MTDH: variants seen among roughly 807,000 people sequenced by gnomAD.
MTDH encodes metadherin.
MTDH carries 34 observed loss-of-function variants against 72.7 expected under a neutral mutation model. The ratio of observed to expected loss-of-function variants is 0.47; its 90% CI spans 0.36 to 0.62. MTDH has a LOEUF of 0.62. Among genes scored for constraint, MTDH ranks in the 20% least tolerant of loss-of-function variants. MTDH has a pLI of 0.00. For synonymous variants in MTDH, 266 were observed against 268.9 expected (o/e 0.99, Z 0.10); for missense variants, 677 against 699.4 (o/e 0.97, Z 0.36).
chr8:97,686,715 A>T lies in MTDH; in HGVS notation c.531A>T (p.Gln177His). The T allele has an allele frequency of 6.3e-7, 1 of 1,598,616 alleles. No individual in the cohort carries two copies. The highest frequency in any genetic ancestry group is 8.5e-7 in the Non-Finnish European group (1 of 1,172,930). The change falls in exon 3 of 12, where the codon CAA becomes CAT. Residue 177 changes from glutamine (Q) to histidine (H), a missense_variant. Gln to His is a conservative substitution (Grantham distance 24). This residue lies in a region of MTDH where 467 missense variants were observed against 469.1 expected (regional missense o/e 1.00). Transcript: ENST00000336273. The part of the protein sequence containing the change: ...KKSKSDAKAV[Q>H]NSSRHDGKEV... ...CAAAGTCAGATGCTAAAGCAGTGCA[A>T]AACAGTTCACGCCATGATGGAAAGG...
intron 2 of MTDH, among the ~76,000 whole-genome samples, chr8:97,675,368 C>G (rs908335723): frequency 6.6e-6 from 1 of 151,698 alleles, no homozygotes; most frequent in Admixed American, 6.6e-5. Context: ...TGAGACCAGC[C>G]TGGCCGACAT....
In MTDH at chr8:97,729,323, A is replaced by G. The variant is rs1029060465; in HGVS notation, c.*4653A>G. 6.6e-6 allele frequency among the ~76,000 whole-genome samples: 1 copy of G among 151,840 alleles called. No homozygotes were observed. Among genetic ancestry groups the G allele is most frequent in the Non-Finnish European group, 1.5e-5 (1 of 67,952 alleles). On this transcript the variant is annotated 3_prime_UTR_variant, in exon 12 of 12. Coordinates refer to ENST00000336273, the MANE Select transcript of MTDH (RefSeq NM_178812.4). ...GCTGGTAGAGGGCATTACCTCCCCC[A>G]CCCCCAAGAACACTTCTTGGAAGTT...
chr8:97,671,052 G>A (rs963154541), intron 2 of MTDH, among the ~76,000 whole-genome samples: 5 of 136,254 alleles, frequency 3.7e-5, no homozygotes, highest in East Asian at 2.5e-4. Context: ...TGCAAGCTCC[G>A]CTTCCCGGGT....
Position 97,730,232 on chromosome 8 carries a change from T to G in MTDH, c.*5562T>G, listed in dbSNP as rs1815504710. Among the ~76,000 whole-genome samples the G allele has an allele frequency of 6.6e-6, 1 of 152,156 alleles. No homozygotes were observed. Among genetic ancestry groups the G allele is most frequent in the Non-Finnish European group, 1.5e-5 (1 of 68,014 alleles). Reference sequence around the variant, plus strand: ...AACATGTACCTAAGTTTTAAAAGCATAATAAAATGAACACATCTGAAACCA... The same window carrying G: ...AACATGTACCTAAGTTTTAAAAGCAGAATAAAATGAACACATCTGAAACCA... On this transcript the variant is annotated 3_prime_UTR_variant, in exon 12 of 12. Coordinates refer to ENST00000336273, the MANE Select transcript of MTDH (RefSeq NM_178812.4).
chr8:97,684,149 A>AG (rs1813262985), intron 2 of MTDH, among the ~76,000 whole-genome samples: 1 of 152,006 alleles, frequency 6.6e-6, no homozygotes, highest in Non-Finnish European at 1.5e-5. Flanking sequence ...CAAAAAAAAA[A>AG]AAAAAACGAC....
At chr8:97,662,430 C>T (rs531789067) in intron 2 of MTDH, among the ~76,000 whole-genome samples, 3 of 151,818 alleles carry the variant, frequency 2.0e-5, no homozygotes, top group South Asian at 4.2e-4. Flanking sequence ...AGTCACTGAT[C>T]GGTAAGTGGT....
chr8:97,666,059 C>T (rs890578736), intron 2 of MTDH, among the ~76,000 whole-genome samples: 6 of 146,044 alleles, frequency 4.1e-5, no homozygotes, highest in Admixed American at 1.4e-4. Context: ...ACCCAGGAGG[C>T]GGAGCTTGCA....
chr8:97,664,161 G>T (rs1812287799), intron 2 of MTDH, among the ~76,000 whole-genome samples: 1 of 152,164 alleles, frequency 6.6e-6, no homozygotes, highest in Non-Finnish European at 1.5e-5. Flanking sequence ...TTTGAGATCA[G>T]CCTGGTCAAC....
intron 2 of MTDH, among the ~76,000 whole-genome samples, chr8:97,682,278 ATATTTTTTTT>A (rs1813166568): frequency 6.6e-4 from 2 of 3,036 alleles, no homozygotes; most frequent in African/African-American, 1.9e-3. Flanking sequence ...ATATATATAT[ATATTTTTTTT>A]TTTTTTTTTT....
chr8:97,716,907 C>T (rs1392862752), intron 9 of MTDH, among the ~76,000 whole-genome samples: 1 of 152,006 alleles, frequency 6.6e-6, no homozygotes, highest in Non-Finnish European at 1.5e-5. Context: ...TCCCAAACTC[C>T]TGGGCTCAAA....
chr8:97,686,539 TAA>T (rs778147633), intron 2 of MTDH, 127 bp from the exon 3 acceptor site: 56 of 452,658 alleles, frequency 1.2e-4, no homozygotes, highest in Admixed American at 5.6e-4. Context: ...CTTAATATGT[TAA>T]GTTTTTTAAA....
intron 2 of MTDH, among the ~76,000 whole-genome samples, chr8:97,680,546 A>G (rs567077603): frequency 6.6e-6 from 1 of 152,324 alleles, no homozygotes; most frequent in East Asian, 1.9e-4. Context: ...CATGTACTTA[A>G]CATATAACAC....
rs997990314 is a variant in MTDH, at chr8:97,688,965, A to G, written c.746-73A>G. ...ATAGATAATAATTAAAAATTAATTT[A>G]TGTGTTACTCCTAATTTAATGTGCA... On this transcript the variant is annotated intron_variant, in intron 4 of 11. Coordinates refer to ENST00000336273, the MANE Select transcript of MTDH (RefSeq NM_178812.4). The G allele has an allele frequency of 1.8e-5, 12 of 652,534 alleles. No homozygotes were observed. In the Admixed American group the frequency reaches 3.4e-4, roughly 19 times the overall value. 40.4% of individuals were successfully genotyped at this position (652,534 alleles called of 1,614,324 possible).
In MTDH at chr8:97,697,147, TA is replaced by T. The variant is rs1471974633; in HGVS notation, c.1049-2606del. 1.4e-3 allele frequency among the ~76,000 whole-genome samples: 108 copies of T among 78,144 alleles called. 5 individuals carry two copies. Among genetic ancestry groups the T allele is most frequent in the African/African-American group, 8.2e-3 (102 of 12,448 alleles). The allele number at this position is 78,144 out of a possible 152,430, so 51.3% of individuals were successfully genotyped here. ...AAAAAAAAATATATATATATATATA[TA>T]TATTTTTTTTTTGTGGACCCAGTTT... On this transcript the variant is annotated intron_variant, in intron 6 of 11. Transcript: ENST00000336273.
rs1008654648 is a variant in MTDH at position 97,644,306 on chromosome 8, G to C, written c.-201G>C. On this transcript the variant is annotated 5_prime_UTR_variant, in exon 1 of 12. Coordinates refer to ENST00000336273, the MANE Select transcript of MTDH (RefSeq NM_178812.4). ...CCGGGTCTCCTGGCGGCGGCGGAGT[G>C]AGGCTGACAGCGGGGAACCTGGGAG... 7.9e-6 allele frequency: 5 copies of C among 632,044 alleles called. No individual in the cohort carries two copies. The highest frequency in any genetic ancestry group is 1.3e-5 in the Non-Finnish European group (5 of 396,746). The allele number at this position is 632,044 out of a possible 1,614,324, so 39.2% of individuals were successfully genotyped here. A position where few individuals can be genotyped will look rare whatever the true frequency, so the allele number is the denominator to read the frequency against.
Position 97,722,958 on chromosome 8 carries a change from C to T in MTDH, c.1601C>T (p.Ser534Phe). 1 of 1,614,116 alleles carries T rather than the reference C, an allele frequency of 6.2e-7. No homozygotes were observed. Among genetic ancestry groups the T allele is most frequent in the Non-Finnish European group, 8.5e-7 (1 of 1,179,980 alleles). The change falls in exon 11 of 12, where the codon TCC becomes TTC. Residue 534 changes from serine to phenylalanine, a missense_variant. Physicochemically the swap from Ser to Phe is radical, Grantham distance 155. Around this residue, in one of 3 missense-constraint regions of MTDH, gnomAD observed 201 missense variants for 204.5 expected, o/e 0.98. Coordinates refer to ENST00000336273, the MANE Select transcript of MTDH (RefSeq NM_178812.4). The stretch of plus-strand genomic sequence containing the variant: ...AAAAGTGATTCTGACAAGAGCTCTT[C>T]CCAAGTGCCGCCAATACTACAAGAG... Reference protein sequence around the residue: ...LSKSDSDKSSSQVPPILQETD... With the variant: ...LSKSDSDKSSFQVPPILQETD...
intron 1 of MTDH, among the ~76,000 whole-genome samples, chr8:97,646,588 G>A (rs1444508342): frequency 1.3e-5 from 2 of 152,176 alleles, no homozygotes; most frequent in Non-Finnish European, 2.9e-5. Flanking sequence ...AGTTGAGAGA[G>A]ACAGGTTCTC....
At chr8:97,693,465 C>G (rs1563551286) in intron 6 of MTDH, among the ~76,000 whole-genome samples, 1 of 152,122 alleles carries the variant, frequency 6.6e-6, no homozygotes, top group Non-Finnish European at 1.5e-5. Context: ...TCCTAAGTAG[C>G]TGGGATTACA....
In MTDH at chr8:97,727,715, T is replaced by C. The variant is rs1338707409; in HGVS notation, c.*3045T>C. 1 of 152,078 alleles carries C rather than the reference T, an allele frequency of 6.6e-6. No individual in the cohort carries two copies. Among genetic ancestry groups the C allele is most frequent in the African/African-American group, 2.4e-5 (1 of 41,400 alleles). 9.4% of individuals were successfully genotyped at this position (152,078 alleles called of 1,614,324 possible). ...GCTCATGTTAGCAAGAAAGGTATCC[T>C]AGAGAAGCCACTCAAAAGGCTCCCT... On this transcript the variant is annotated 3_prime_UTR_variant, in exon 12 of 12. Transcript: ENST00000336273.
Sources: gnomAD v4.1 joint callset for allele counts (sites outside exome capture counted in the v4.1 genomes callset) on GRCh38, gnomAD v4.1.1 for gene constraint, gnomAD v4.1.1 regional missense constraint, MANE v1.5 for transcripts, NCBI Gene and HGNC (gene_info 2026-07-23, HGNC 2026-07-21) for gene names.